The following RNH1 variants were observed in gnomAD, a reference collection of about 807,000 sequenced individuals.
RNH1 encodes the protein ribonuclease/angiogenin inhibitor 1.
A neutral mutation model predicts 46.1 loss-of-function variants in RNH1; 38 were observed. That is an observed-to-expected ratio of 0.82 (90% CI 0.64 to 1.08). The LOEUF (loss-of-function observed/expected upper bound fraction) is 1.08. Among genes scored for constraint, RNH1 ranks in the 50% least tolerant of loss-of-function variants. The pLI, the probability that RNH1 is intolerant of heterozygous loss-of-function variation, is 0.00. For synonymous variants in RNH1, 319 were observed against 279.1 expected (o/e 1.14, Z -1.43); for missense variants, 577 against 590.7 (o/e 0.98, Z 0.24).
chr11:499,742 G>T, intron 5 of RNH1, 87 bp downstream of exon 5: 2 of 1,522,102 alleles, frequency 1.3e-6, no homozygotes, highest in Non-Finnish European at 1.8e-6. Flanking sequence ...CCTCCTCACG[G>T]CTCCTGGCAG....
At chr11:495,109 C>G in intron 9 of RNH1, 56 bp from the exon 10 acceptor site, 1 of 1,543,614 alleles carries the variant, frequency 6.5e-7, no homozygotes, top group Non-Finnish European at 8.8e-7. Context: ...CCGCACTGAC[C>G]GGCAGAGCAG....
intron 9 of RNH1, among the ~76,000 whole-genome samples, chr11:496,183 A>G (rs1190596348): frequency 6.6e-6 from 1 of 152,206 alleles, no homozygotes; most frequent in Non-Finnish European, 1.5e-5. Context: ...GGCCAAGCAC[A>G]TGGAACCCCT....
chr11:498,900 G>A lies in RNH1; in HGVS notation c.648C>T (p.Cys216=), dbSNP rs1223384859. The part of the protein sequence containing the change: ...LESCGVTSDN[C]RDLCGIVASK... ...AGGCCACAATGCCGCACAGGTCCCG[G>A]CAGTTGTCTGATGTCACACCGCAGC... The change falls in exon 7 of 11, where the codon TGC becomes TGT. Residue 216 remains cysteine, a synonymous_variant. Coordinates refer to ENST00000354420, the MANE Select transcript of RNH1 (RefSeq NM_203387.3). 3.7e-6 allele frequency: 6 copies of A among 1,612,666 alleles called. No homozygotes were observed. The highest frequency in any genetic ancestry group is 1.1e-5 in the South Asian group (1 of 91,046).
chr11:498,081 C>A lies in RNH1; in HGVS notation c.1017G>T (p.Gln339His), dbSNP rs1267641703. 1.2e-6 allele frequency: 2 copies of A among 1,614,130 alleles called. No homozygotes were observed. Among genetic ancestry groups the A allele is most frequent in the African/African-American group, 1.3e-5 (1 of 75,078 alleles). ...CCSHFSSVLA[Q>H]NRFLLELQIS... The stretch of plus-strand genomic sequence containing the variant: ...TCTGTAGCTCCAGGAGAAACCTGTT[C>A]TGGGCCAGCACTGAGCTGAAGTGGG... The change falls in exon 9 of 11, where the codon CAG (glutamine) becomes CAT (histidine). Residue 339 changes from glutamine (Q) to histidine (H), a missense_variant. By Grantham distance (24) the Gln-to-His change is conservative. Transcript: ENST00000354420.
rs1262006495 is a variant in RNH1, at chr11:497,355, ACT to A, written c.1127+614_1127+615del. On this transcript the variant is annotated intron_variant, in intron 9 of 10. Coordinates refer to ENST00000354420, the MANE Select transcript of RNH1 (RefSeq NM_203387.3). ...CACTCTCACGTGCTCACACACGGAC[ACT>A]CATGCTCACTCACCCATGTGCTCAC... Among the ~76,000 whole-genome samples, 12 of 128,798 alleles carry A rather than the reference ACT, an allele frequency of 9.3e-5. No homozygotes were observed. In the East Asian group the frequency reaches 1.5e-3, roughly 16 times the overall value. The allele number at this position is 128,798 out of a possible 152,430, so 84.5% of individuals were successfully genotyped here.
chr11:505,439 T>G (rs1017513036), intron 1 of RNH1: 5 of 152,134 alleles, frequency 3.3e-5, no homozygotes, highest in Non-Finnish European at 7.3e-5. Context: ...ACAGTAGGTT[T>G]TGAAGATGGA....
Position 502,261 on chromosome 11 carries a change from A to AC in RNH1, c.-87-13dup. The AC allele has an allele frequency of 1.1e-6, 1 of 930,938 alleles. No homozygotes were observed. The highest frequency in any genetic ancestry group is 1.4e-5 in the South Asian group (1 of 71,586). 57.7% of individuals were successfully genotyped at this position (930,938 alleles called of 1,614,324 possible). A position where few individuals can be genotyped will look rare whatever the true frequency, so the allele number is the denominator to read the frequency against. On this transcript the variant is annotated splice_polypyrimidine_tract_variant and intron_variant, in intron 2 of 10. Coordinates refer to ENST00000354420, the MANE Select transcript of RNH1 (RefSeq NM_203387.3). This position sits in a 1 kb window ranked among gnomAD's most constrained non-coding sequence, Gnocchi z 5.8. ...ACAGGCCGGAGATTCTGCAAACAGG[A>AC]CCCACAGGGCTGATGTTTCAGGAGG...
Position 502,135 on chromosome 11 carries a change from T to C in RNH1, c.28A>G (p.Ile10Val), listed in dbSNP as rs1468335592. 1 of 1,252,000 alleles carries C rather than the reference T, an allele frequency of 8.0e-7. No homozygotes were observed. The highest frequency in any genetic ancestry group is 1.2e-5 in the South Asian group (1 of 85,038). The allele number at this position is 1,252,000 out of a possible 1,614,324, so 77.6% of individuals were successfully genotyped here. The change falls in exon 3 of 11, where the codon ATC becomes GTC. Residue 10 changes from isoleucine to valine, a missense_variant. Coordinates refer to ENST00000354420, the MANE Select transcript of RNH1 (RefSeq NM_203387.3). This position sits in a 1 kb window ranked among gnomAD's most constrained non-coding sequence, Gnocchi z 5.8. ...GCGTCGCTCAGCTCCTCACACTGGA[T>C]GTCCAGGCTCTGGATGTCCAGGCTC... MSLDIQSLD[I>V]QCEELSDARW... is the part of the protein sequence containing the mutation.
Position 498,489 on chromosome 11 carries a change from C to G in RNH1, c.924G>C (p.Leu308=). The change falls in exon 8 of 11, where the codon CTG becomes CTC. Residue 308 remains leucine (L), a synonymous_variant. Transcript: ENST00000354420. ...ACTCCAGCTGGCAGCCAGGTTCCAG[C>G]AGGGTCTCACACAGCAGTCGGGCAC... ...DEGARLLCET[L]LEPGCQLESL... 4 of 1,613,292 alleles carry G rather than the reference C, an allele frequency of 2.5e-6. No homozygotes were observed. The highest frequency in any genetic ancestry group is 3.4e-6 in the Non-Finnish European group (4 of 1,180,038).
chr11:494,753 C>T lies in RNH1; in HGVS notation c.1324G>A (p.Glu442Lys), dbSNP rs757747417. The T allele has an allele frequency of 4.3e-6, 7 of 1,614,030 alleles. No individual in the cohort carries two copies. Among genetic ancestry groups the T allele is most frequent in the South Asian group, 1.1e-5 (1 of 91,090 alleles). ...LVLYDIYWSE[E>K]MEDRLQALEK... is the part of the protein sequence containing the mutation. Reference sequence around the variant, plus strand: ...AGGGCCTGCAGCCGGTCCTCCATCTCCTCAGACCAGTAAATGTCGTACAGG... The same window carrying T: ...AGGGCCTGCAGCCGGTCCTCCATCTTCTCAGACCAGTAAATGTCGTACAGG... Residue 442 changes from glutamate (E) to lysine (K), a missense_variant, in exon 11 of 11, where the codon GAG (glutamate) becomes AAG (lysine). Physicochemically the swap from Glu to Lys is moderately conservative, Grantham distance 56 (BLOSUM62 1). Transcript: ENST00000354420.
intron 9 of RNH1, among the ~76,000 whole-genome samples, chr11:496,000 A>G (rs1849020055): frequency 6.6e-6 from 1 of 152,216 alleles, no homozygotes; most frequent in Non-Finnish European, 1.5e-5. Context: ...AAAACAAAAC[A>G]TCGAAAAGAA....
At position 494,582 on chromosome 11, in the gene RNH1, C is replaced by T. The variant is rs1298561466; in HGVS notation, c.*109G>A. On this transcript the variant is annotated 3_prime_UTR_variant, in exon 11 of 11. Coordinates refer to ENST00000354420, the MANE Select transcript of RNH1 (RefSeq NM_203387.3). Reference sequence around the variant, plus strand: ...ACTGGCAGAAATAAGCGGATCTGAGCGTTTCTCTTCAAACCTAGGATATGC... The same window carrying T: ...ACTGGCAGAAATAAGCGGATCTGAGTGTTTCTCTTCAAACCTAGGATATGC... 1.2e-5 allele frequency: 11 copies of T among 908,016 alleles called. No homozygotes were observed. The highest frequency in any genetic ancestry group is 1.9e-5 in the Non-Finnish European group (11 of 565,002). 56.2% of individuals were successfully genotyped at this position (908,016 alleles called of 1,614,324 possible). A position where few individuals can be genotyped will look rare whatever the true frequency, so the allele number is the denominator to read the frequency against.
rs1407964830 is a variant in RNH1 at position 502,810 on chromosome 11, G to A, written c.-87-561C>T. On this transcript the variant is annotated intron_variant, in intron 2 of 10. Transcript: ENST00000354420. The surrounding 1 kb of genome is among the most constrained non-coding windows in gnomAD (Gnocchi z 5.8). ...TTCTGGGGTTGGGGACTCTGCACCA[G>A]GCTACAGCACATCCCCTGCCCCACG... is the stretch of plus-strand genomic sequence containing the variant. 6.5e-6 allele frequency: 1 copy of A among 154,166 alleles called. No homozygotes were observed. The highest frequency in any genetic ancestry group is 2.4e-5 in the African/African-American group (1 of 41,478). 9.5% of individuals were successfully genotyped at this position (154,166 alleles called of 1,614,324 possible).
intron 9 of RNH1, among the ~76,000 whole-genome samples, chr11:496,364 T>C (rs1227304834): frequency 6.6e-6 from 1 of 151,992 alleles, no homozygotes. Context: ...TGAAACCCCA[T>C]CTCTACTAAA....
Position 497,997 on chromosome 11 carries a change from C to G in RNH1, c.1101G>C (p.Gln367His). 2 of 1,613,840 alleles carry G rather than the reference C, an allele frequency of 1.2e-6. No individual in the cohort carries two copies. The highest frequency in any genetic ancestry group is 1.7e-6 in the Non-Finnish European group (2 of 1,179,884). Residue 367 changes from glutamine to histidine, a missense_variant, in exon 9 of 11, where the codon CAG (glutamine) becomes CAC (histidine). Coordinates refer to ENST00000354420, the MANE Select transcript of RNH1 (RefSeq NM_203387.3). ...AGAGCACCCGCAGCACAGAGCCAGG[C>G]TGGCCCAGGCCCTGGCACAGCTCCC... ...GVRELCQGLG[Q>H]PGSVLRVLWL...
rs980311400 is a variant in RNH1 at position 499,189 on chromosome 11, G to A, written c.444-4C>T. On this transcript the variant is annotated splice_region_variant and splice_polypyrimidine_tract_variant and intron_variant, in intron 5 of 10. Coordinates refer to ENST00000354420, the MANE Select transcript of RNH1 (RefSeq NM_203387.3). ...CGAGAGGCTGCAATACTCCAGCCTGGGGGACAGCAGAGCTCAGCACCACAC... is the reference window on the plus strand; with the variant it reads ...CGAGAGGCTGCAATACTCCAGCCTGAGGGACAGCAGAGCTCAGCACCACAC... 2 of 1,611,722 alleles carry A rather than the reference G, an allele frequency of 1.2e-6. No homozygotes were observed. The highest frequency in any genetic ancestry group is 1.7e-6 in the Non-Finnish European group (2 of 1,179,970).
Position 505,000 on chromosome 11 carries a change from A to G in RNH1, c.-260-4T>C, listed in dbSNP as rs1412379335. ...GTCAGTCAAGAGTTCTTCATGCCTG[A>G]GCTCGGGAAGCATGTTCAAAATCTT... On this transcript the variant is annotated splice_region_variant and splice_polypyrimidine_tract_variant and intron_variant, in intron 1 of 10. Transcript: ENST00000354420. 6.6e-6 allele frequency: 1 copy of G among 151,808 alleles called. No individual in the cohort carries two copies. The highest frequency in any genetic ancestry group is 6.6e-5 in the Admixed American group (1 of 15,234). The allele number at this position is 151,808 out of a possible 1,614,324, so 9.4% of individuals were successfully genotyped here. A position where few individuals can be genotyped will look rare whatever the true frequency, so the allele number is the denominator to read the frequency against.
At chr11:498,724 C>A (rs373444784) in intron 7 of RNH1, 39 bp downstream of exon 7, 5 of 1,590,022 alleles carry the variant, frequency 3.1e-6, no homozygotes, top group Non-Finnish European at 8.5e-7. Context: ...GGCCCGCCGC[C>A]CGACCCTCCG....
In RNH1 at chr11:504,845, C is replaced by T. The variant is rs1033742185; in HGVS notation, c.-109G>A. The T allele has an allele frequency of 3.9e-5, 6 of 151,998 alleles. No individual in the cohort carries two copies. The highest frequency in any genetic ancestry group is 1.4e-4 in the African/African-American group (6 of 41,402). 9.4% of individuals were successfully genotyped at this position (151,998 alleles called of 1,614,324 possible). A position where few individuals can be genotyped will look rare whatever the true frequency, so the allele number is the denominator to read the frequency against. ...AAACCTGAGACACCCCTTTTTGCTA[C>T]CAGACTGGAGAAGGTGGAACAGGTT... is the stretch of plus-strand genomic sequence containing the variant. On this transcript the variant is annotated 5_prime_UTR_variant, in exon 2 of 11. Transcript: ENST00000354420.
Sources: gnomAD v4.1 joint callset for allele counts (sites outside exome capture counted in the v4.1 genomes callset) on GRCh38, gnomAD v4.1.1 for gene constraint, Gnocchi (gnomAD v3.1) non-coding constraint, MANE v1.5 for transcripts, NCBI Gene and HGNC (gene_info 2026-07-23, HGNC 2026-07-21) for gene names.